The following TCF3 variants were observed in gnomAD, a reference collection of about 807,000 sequenced individuals.
TCF3 encodes the protein transcription factor 3.
TCF3 carries 54 observed loss-of-function variants against 72.3 expected under a neutral mutation model. The ratio of observed to expected loss-of-function variants is 0.75; its 90% CI spans 0.60 to 0.94. The LOEUF is 0.94. Ranked by LOEUF, TCF3 falls within the 40% of genes least tolerant of loss-of-function variation. TCF3 has a pLI of 0.00. For missense variants in TCF3, 1,078 were observed against 934.4 expected (o/e 1.15, Z -2.00); for synonymous variants, 525 against 412.6 (o/e 1.27, Z -3.30).
Position 1,610,940 on chromosome 19 carries a change from C to CGGGGGGG in TCF3, c.*760_*766dup, listed in dbSNP as rs1395665155. 1 of 46,468 alleles carries CGGGGGGG rather than the reference C, an allele frequency of 2.2e-5. No homozygotes were observed. The highest frequency in any genetic ancestry group is 4.1e-5 in the Non-Finnish European group (1 of 24,308). The allele number at this position is 46,468 out of a possible 1,614,324, so 2.9% of individuals were successfully genotyped here. A position where few individuals can be genotyped will look rare whatever the true frequency, so the allele number is the denominator to read the frequency against. On this transcript the variant is annotated 3_prime_UTR_variant, in exon 19 of 19. Transcript: ENST00000262965. ...AGTGGCTTCCGGGGGGGGGGGGGGA[C>CGGGGGGG]GGGGGGGCTCAGGTTTACACGGGGT...
rs150652371 is a variant in TCF3, at chr19:1,645,819, G to A, written c.145+536C>T. ...GTTTCTGCTTTGAGCACTCAAAGCC[G>A]CGGGTCCCAGGAATTGCCCCTCAGT... On this transcript the variant is annotated intron_variant, in intron 3 of 18. Coordinates refer to ENST00000262965, the MANE Select transcript of TCF3 (RefSeq NM_003200.5). Among the ~76,000 whole-genome samples, 563 of 152,286 alleles carry A rather than the reference G, an allele frequency of 3.7e-3. 3 individuals carry two copies. Among genetic ancestry groups the A allele is most frequent in the African/African-American group, 0.013 (527 of 41,544 alleles).
chr19:1,615,935 C>A lies in TCF3; in HGVS notation c.1451-114G>T. 2.2e-6 allele frequency: 3 copies of A among 1,347,334 alleles called. No homozygotes were observed. The highest frequency in any genetic ancestry group is 2.9e-6 in the Non-Finnish European group (3 of 1,019,266). The allele number at this position is 1,347,334 out of a possible 1,614,324, so 83.5% of individuals were successfully genotyped here. A position where few individuals can be genotyped will look rare whatever the true frequency, so the allele number is the denominator to read the frequency against. On this transcript the variant is annotated intron_variant, in intron 16 of 18. Coordinates refer to ENST00000262965, the MANE Select transcript of TCF3 (RefSeq NM_003200.5). This position sits in a 1 kb window ranked among gnomAD's most constrained non-coding sequence, Gnocchi z 7.3. ...TTTCCTGGAAAAACCAGGTCTTGGCCAAAAATAAAAACAAAAAACCAACAA... is the reference window on the plus strand; with the variant it reads ...TTTCCTGGAAAAACCAGGTCTTGGCAAAAAATAAAAACAAAAAACCAACAA...
chr19:1,622,492 T>G (rs1171400386), intron 8 of TCF3, 77 bp from the exon 9 acceptor site: 75 of 761,708 alleles, frequency 9.8e-5, no homozygotes, highest in Non-Finnish European at 1.4e-4. Context: ...GCCGGCCTCC[T>G]GTCCCCTCCT....
chr19:1,632,417 A>T lies in TCF3; in HGVS notation c.146-12T>A. ...CCGGTCCTCAAGACCTGCAGGCAGG[A>T]CAGAGAGAGTTATGGGTCACCCTCA... is the stretch of plus-strand genomic sequence containing the variant. On this transcript the variant is annotated splice_polypyrimidine_tract_variant and intron_variant, in intron 3 of 18. Transcript: ENST00000262965. 1 of 1,586,328 alleles carries T rather than the reference A, an allele frequency of 6.3e-7. No homozygotes were observed. The highest frequency in any genetic ancestry group is 8.6e-7 in the Non-Finnish European group (1 of 1,166,490).
chr19:1,624,784 G>A (rs1167837934), intron 7 of TCF3, among the ~76,000 whole-genome samples: 2 of 152,232 alleles, frequency 1.3e-5, no homozygotes, highest in African/African-American at 4.8e-5. Flanking sequence ...GCATCATGGG[G>A]CTCCTGTCCT....
chr19:1,619,715 TCAA>T (rs2061943045), intron 14 of TCF3, 62 bp downstream of exon 14: 1 of 1,171,598 alleles, frequency 8.5e-7, no homozygotes, highest in East Asian at 4.7e-5. Context: ...TTTCTCCTTC[TCAA>T]GGAGCGTCTG....
chr19:1,643,159 G>T (rs1235485049), intron 3 of TCF3, among the ~76,000 whole-genome samples: 1 of 152,122 alleles, frequency 6.6e-6, no homozygotes, highest in Non-Finnish European at 1.5e-5. Context: ...CGTTTTAAAT[G>T]TCTTCCGATC....
In TCF3 at chr19:1,621,800, T is replaced by A. The variant is rs753042927; in HGVS notation, c.955+38A>T. On this transcript the variant is annotated intron_variant, in intron 11 of 18. Coordinates refer to ENST00000262965, the MANE Select transcript of TCF3 (RefSeq NM_003200.5). Reference sequence around the variant, plus strand: ...CCCAGACCCTGCCTGGAGCCCAGTGTCCCCTCGGAGAGGCCGCATCCCAGG... The same window carrying A: ...CCCAGACCCTGCCTGGAGCCCAGTGACCCCTCGGAGAGGCCGCATCCCAGG... 11 of 1,535,382 alleles carry A rather than the reference T, an allele frequency of 7.2e-6. No individual in the cohort carries two copies. The East Asian group carries it at 2.6e-4, about 36-fold the overall frequency.
chr19:1,648,784 A>G (rs907396564), intron 2 of TCF3, among the ~76,000 whole-genome samples: 30 of 148,656 alleles, frequency 2.0e-4, no homozygotes, highest in Non-Finnish European at 4.3e-4. Context: ...CCCTCCCCCA[A>G]CCTGTTTCAA....
intron 6 of TCF3, among the ~76,000 whole-genome samples, chr19:1,625,939 T>TA (rs1485876850): frequency 1.3e-5 from 2 of 152,222 alleles, no homozygotes; most frequent in Non-Finnish European, 2.9e-5. Flanking sequence ...GAGAAACAGA[T>TA]ACCAGTGTGG....
chr19:1,618,780 G>A (rs2061828589), intron 16 of TCF3, among the ~76,000 whole-genome samples: 1 of 152,234 alleles, frequency 6.6e-6, no homozygotes, highest in African/African-American at 2.4e-5. Context: ...CCTGTACTGT[G>A]CAGCGAGCTC....
chr19:1,640,462 G>A (rs879776658), intron 3 of TCF3, among the ~76,000 whole-genome samples: 11 of 152,222 alleles, frequency 7.2e-5, no homozygotes, highest in East Asian at 3.9e-4. Flanking sequence ...CACCTATTTC[G>A]CTAACCTGTT....
chr19:1,639,784 G>A (rs913165569), intron 3 of TCF3, among the ~76,000 whole-genome samples: 20 of 139,062 alleles, frequency 1.4e-4, no homozygotes, highest in African/African-American at 5.2e-4. Context: ...AGGAACAAAT[G>A]TCAGTAATAT....
At chr19:1,637,899 A>G (rs955412568) in intron 3 of TCF3, among the ~76,000 whole-genome samples, 10 of 151,564 alleles carry the variant, frequency 6.6e-5, no homozygotes, top group Non-Finnish European at 1.3e-4. Flanking sequence ...ATAGAGCGAG[A>G]CTCCACCTCA....
At chr19:1,619,601 C>T (rs2061930130) in intron 14 of TCF3, 127 bp from the exon 15 acceptor site, 1 of 1,394,552 alleles carries the variant, frequency 7.2e-7, no homozygotes, top group Non-Finnish European at 9.5e-7. Context: ...GCTGCATATG[C>T]CAGGCATCTG....
intron 14 of TCF3, 70 bp from the exon 15 acceptor site, chr19:1,619,544 T>C: frequency 6.6e-7 from 1 of 1,510,122 alleles, no homozygotes; most frequent in South Asian, 1.3e-5. Context: ...TTCATGTCCC[T>C]TCCGCATGCA....
intron 2 of TCF3, 76 bp downstream of exon 2, chr19:1,650,101 C>T: frequency 5.8e-6 from 8 of 1,386,266 alleles, no homozygotes; most frequent in Non-Finnish European, 7.9e-6. Context: ...ATTCAGCAAA[C>T]ACTCTCCCCT....
intron 3 of TCF3, among the ~76,000 whole-genome samples, chr19:1,639,229 A>C (rs1747601736): frequency 6.6e-6 from 1 of 152,224 alleles, no homozygotes; most frequent in African/African-American, 2.4e-5. Context: ...ATTTTAGTAG[A>C]GATGGAGTTT....
At chr19:1,625,545 G>GC in intron 7 of TCF3, 31 bp downstream of exon 7, 4 of 1,533,556 alleles carry the variant, frequency 2.6e-6, no homozygotes, top group Non-Finnish European at 3.5e-6. Flanking sequence ...CCTCCCAGAA[G>GC]CCCCCGATGC....
Sources: allele counts gnomAD v4.1 joint callset (sites outside exome capture counted in the v4.1 genomes callset), GRCh38; gene constraint gnomAD v4.1.1; non-coding constraint Gnocchi (gnomAD v3.1); transcripts MANE v1.5; gene names NCBI Gene and HGNC (gene_info 2026-07-23, HGNC 2026-07-21).